The following CCNA1 variants were observed in gnomAD, a reference collection of about 807,000 sequenced individuals.
CCNA1 encodes the protein cyclin A1, also known as cyclin-A1.
A neutral mutation model predicts 54.1 loss-of-function variants in CCNA1; 23 were observed. The observed-to-expected ratio is 0.42, with a 90% CI of 0.31 to 0.60. The LOEUF (loss-of-function observed/expected upper bound fraction) is 0.60, where lower values mean the gene tolerates loss of function less well. CCNA1 is among the 20% of genes least tolerant of loss of function. The pLI is 0.14. For synonymous variants in CCNA1, 208 were observed against 213.9 expected (o/e 0.97, Z 0.24); for missense variants, 450 against 556.7 (o/e 0.81, Z 1.93).
At chr13:36,432,465 T>C (rs1593317987), upstream of CCNA1, 2 of 147,788 alleles carry the variant, frequency 1.4e-5, no homozygotes, top group South Asian at 6.8e-5. Context: ...GCCGGCCACC[T>C]CTTAACCGCG....
rs1458374356 is a variant in CCNA1 at position 36,433,267 on chromosome 13, C to T, written c.297+46C>T. The T allele has an allele frequency of 5.3e-6, 8 of 1,502,438 alleles. No homozygotes were observed. The East Asian group carries it at 1.6e-4, about 30-fold the overall frequency. The allele number at this position is 1,502,438 out of a possible 1,614,324, so 93.1% of individuals were successfully genotyped here. A position where few individuals can be genotyped will look rare whatever the true frequency, so the allele number is the denominator to read the frequency against. On this transcript the variant is annotated intron_variant, in intron 2 of 8. Transcript: ENST00000255465. ...AGAATGATGCTTGTGGAGAACAGCT[C>T]TCCTGCTTTGGTGCCAGGTGCTTTT...
Position 36,432,581 on chromosome 13 carries a change from TG to T in CCNA1, c.-38del, listed in dbSNP as rs1334269896. The T allele has an allele frequency of 1.9e-5, 26 of 1,334,308 alleles. No homozygotes were observed. The highest frequency in any genetic ancestry group is 2.9e-5 in the African/African-American group (2 of 68,214). 82.7% of individuals were successfully genotyped at this position (1,334,308 alleles called of 1,614,324 possible). A position where few individuals can be genotyped will look rare whatever the true frequency, so the allele number is the denominator to read the frequency against. On this transcript the variant is annotated 5_prime_UTR_variant, in exon 1 of 9. Transcript: ENST00000255465. Reference sequence around the variant, plus strand: ...GCAGGTTTTGGGGCCTCCTGTCTGGTGGGAGGAGGCCGCAGCGCAGCACCCT... The same window carrying T: ...GCAGGTTTTGGGGCCTCCTGTCTGGTGGAGGAGGCCGCAGCGCAGCACCCT...
chr13:36,434,826 GCC>G (rs368520828), intron 2 of CCNA1, among the ~76,000 whole-genome samples: 2 of 110,892 alleles, frequency 1.8e-5, no homozygotes, highest in African/African-American at 6.6e-5. Context: ...CATGAGAGGT[GCC>G]CCCCCCCCCG....
In CCNA1 at chr13:36,432,532, A is replaced by G. The variant is rs1490769686; in HGVS notation, c.-90A>G. On this transcript the variant is annotated 5_prime_UTR_variant, in exon 1 of 9. Coordinates refer to ENST00000255465, the MANE Select transcript of CCNA1 (RefSeq NM_003914.4). Reference sequence around the variant, plus strand: ...CACATAGAAAGATAACGACGGGAAGAGCGGGGCCCGCTTTGGGGTCCAGGC... The same window carrying G: ...CACATAGAAAGATAACGACGGGAAGGGCGGGGCCCGCTTTGGGGTCCAGGC... 1 of 705,128 alleles carries G rather than the reference A, an allele frequency of 1.4e-6. No individual in the cohort carries two copies. The highest frequency in any genetic ancestry group is 2.9e-5 in the Admixed American group (1 of 34,110). The allele number at this position is 705,128 out of a possible 1,614,324, so 43.7% of individuals were successfully genotyped here.
In CCNA1 at chr13:36,441,183, T is replaced by A. The variant is rs1183664142; in HGVS notation, c.1164T>A (p.Ala388=). Residue 388 remains alanine, a synonymous_variant, in exon 7 of 9, where the codon GCT becomes GCA. Transcript: ENST00000255465. Reference sequence around the variant, plus strand: ...TGAAATATCTTCCTTCACTGATAGCTGCAGCAGCTTTTTGCCTGGCAAACT... The same window carrying A: ...TGAAATATCTTCCTTCACTGATAGCAGCAGCAGCTTTTTGCCTGGCAAACT... The A allele has an allele frequency of 6.2e-7, 1 of 1,613,272 alleles. No homozygotes were observed. The highest frequency in any genetic ancestry group is 8.5e-7 in the Non-Finnish European group (1 of 1,179,408).
chr13:36,439,586 G>T (rs1415519788), intron 5 of CCNA1, among the ~76,000 whole-genome samples: 1 of 152,118 alleles, frequency 6.6e-6, no homozygotes, highest in African/African-American at 2.4e-5. Flanking sequence ...AAAACTAGAG[G>T]CCTGTGGAGT....
intron 4 of CCNA1, 70 bp from the exon 5 acceptor site, chr13:36,438,574 T>C: frequency 3.8e-6 from 4 of 1,062,642 alleles, no homozygotes; most frequent in Non-Finnish European, 2.8e-6. Context: ...GATTTTTAAA[T>C]AGCAACTATA....
intron 2 of CCNA1, among the ~76,000 whole-genome samples, chr13:36,434,828 C>G (rs1029039208): frequency 9.2e-6 from 1 of 108,536 alleles, no homozygotes; most frequent in Non-Finnish European, 2.0e-5. Flanking sequence ...TGAGAGGTGC[C>G]CCCCCCCCCG....
chr13:36,432,799 G>A, intron 1 of CCNA1, 70 bp downstream of exon 1: 1 of 1,152,596 alleles, frequency 8.7e-7, no homozygotes, highest in Non-Finnish European at 1.3e-6. Flanking sequence ...CCAACACGAA[G>A]TCTTGGGATA....
At position 36,440,078 on chromosome 13, in the gene CCNA1, T is replaced by G; in HGVS notation, c.993T>G (p.Leu331=). ...AACTGTTAAAAATGGAACACTTGCT[T>G]CTGAAAGTTCTAGCTTTTGATCTGA... is the stretch of plus-strand genomic sequence containing the variant. The change falls in exon 6 of 9, where the codon CTT becomes CTG. Residue 331 remains leucine, a synonymous_variant. Transcript: ENST00000255465. 6.2e-7 allele frequency: 1 copy of G among 1,613,962 alleles called. No homozygotes were observed. Among genetic ancestry groups the G allele is most frequent in the Non-Finnish European group, 8.5e-7 (1 of 1,179,840 alleles).
chr13:36,442,840 T>G lies in CCNA1; in HGVS notation c.*175T>G, dbSNP rs1440576770. ...TAGTAGTTTGTAATATAGTCCAACA[T>G]TTTTTAAACAATAAACTGCTTGTCT... On this transcript the variant is annotated 3_prime_UTR_variant, in exon 9 of 9. Transcript: ENST00000255465. 1.7e-6 allele frequency: 1 copy of G among 590,692 alleles called. No homozygotes were observed. The highest frequency in any genetic ancestry group is 3.0e-6 in the Non-Finnish European group (1 of 333,606). The allele number at this position is 590,692 out of a possible 1,614,324, so 36.6% of individuals were successfully genotyped here.
Position 36,433,029 on chromosome 13 carries a change from G to C in CCNA1, c.109-4G>C, listed in dbSNP as rs780508159. 5 of 1,610,248 alleles carry C rather than the reference G, an allele frequency of 3.1e-6. No individual in the cohort carries two copies. Among genetic ancestry groups the C allele is most frequent in the Non-Finnish European group, 3.4e-6 (4 of 1,178,160 alleles). ...CAGCTTGTCTGTTTCTCTTTCCCTG[G>C]TAGCAGCAGCCCGTGGAGTCTGAAG... On this transcript the variant is annotated splice_polypyrimidine_tract_variant and splice_region_variant and intron_variant, in intron 1 of 8. Coordinates refer to ENST00000255465, the MANE Select transcript of CCNA1 (RefSeq NM_003914.4).
At chr13:36,434,808 C>T (rs1016860472) in intron 2 of CCNA1, among the ~76,000 whole-genome samples, 5 of 145,342 alleles carry the variant, frequency 3.4e-5, no homozygotes, top group East Asian at 2.0e-4. Flanking sequence ...CTGCTATGTC[C>T]CTGCTGTCAT....
Position 36,432,645 on chromosome 13 carries a change from C to T in CCNA1, c.24C>T (p.Ile8=), listed in dbSNP as rs2055727533. The stretch of plus-strand genomic sequence containing the variant: ...GGATGGAGACCGGCTTTCCCGCAAT[C>T]ATGTACCCTGGATCTTTTATTGGGG... The change falls in exon 1 of 9, where the codon ATC becomes ATT. Residue 8 remains isoleucine, a synonymous_variant. Transcript: ENST00000255465. 6.2e-7 allele frequency: 1 copy of T among 1,605,406 alleles called. No homozygotes were observed. The highest frequency in any genetic ancestry group is 1.3e-5 in the African/African-American group (1 of 74,806).
Position 36,432,519 on chromosome 13 carries a change from TAAC to T in CCNA1, c.-102_-100del, listed in dbSNP as rs2055725021. ...CAGTTGTTCCGGACACATAGAAAGA[TAAC>T]GACGGGAAGAGCGGGGCCCGCTTTG... On this transcript the variant is annotated 5_prime_UTR_variant, in exon 1 of 9. The change creates a new upstream start codon in the 5' untranslated region. Coordinates refer to ENST00000255465, the MANE Select transcript of CCNA1 (RefSeq NM_003914.4). 1 of 619,458 alleles carries T rather than the reference TAAC, an allele frequency of 1.6e-6. No individual in the cohort carries two copies. Among genetic ancestry groups the T allele is most frequent in the South Asian group, 1.9e-5 (1 of 51,912 alleles). The allele number at this position is 619,458 out of a possible 1,614,324, so 38.4% of individuals were successfully genotyped here.
In CCNA1 at chr13:36,433,419, T is replaced by TTTCGTTCG. The variant is rs1491262535; in HGVS notation, c.297+201_297+202insGTTCGTTC. On this transcript the variant is annotated intron_variant, in intron 2 of 8. Transcript: ENST00000255465. ...CTTTCTTTCTTTCTTTCTTTCTTTC[T>TTTCGTTCG]TTCTTTCTTTCTTTCTTTCTTTCGT... Among the ~76,000 whole-genome samples the TTTCGTTCG allele has an allele frequency of 5.0e-4, 60 of 119,428 alleles. 2 individuals carry two copies. The highest frequency in any genetic ancestry group is 4.1e-3 in the Middle Eastern group (1 of 242). The allele number at this position is 119,428 out of a possible 152,430, so 78.3% of individuals were successfully genotyped here.
At position 36,441,114 on chromosome 13, in the gene CCNA1, T is replaced by G; in HGVS notation, c.1099-4T>G. On this transcript the variant is annotated splice_region_variant and splice_polypyrimidine_tract_variant and intron_variant, in intron 6 of 8. Coordinates refer to ENST00000255465, the MANE Select transcript of CCNA1 (RefSeq NM_003914.4). ...TCCAATGTGTTTTCTTCTCTTGTGCTTAGTACGTAGCAGAGCTGAGTCTAC... is the reference window on the plus strand; with the variant it reads ...TCCAATGTGTTTTCTTCTCTTGTGCGTAGTACGTAGCAGAGCTGAGTCTAC... 6.6e-7 allele frequency: 1 copy of G among 1,521,214 alleles called. No homozygotes were observed. Among genetic ancestry groups the G allele is most frequent in the East Asian group, 2.3e-5 (1 of 44,106 alleles). The allele number at this position is 1,521,214 out of a possible 1,614,324, so 94.2% of individuals were successfully genotyped here.
chr13:36,432,800 T>C, intron 1 of CCNA1, 71 bp downstream of exon 1: 1 of 1,150,520 alleles, frequency 8.7e-7, no homozygotes, highest in Non-Finnish European at 1.3e-6. Context: ...CAACACGAAG[T>C]CTTGGGATAA....
rs1431572037 is a variant in CCNA1, at chr13:36,438,692, A to T, written c.718A>T (p.Thr240Ser). Residue 240 changes from threonine (T) to serine (S), a missense_variant, in exon 5 of 9, where the codon ACG (threonine) becomes TCG (serine). This residue lies in a region of CCNA1 where 150 missense variants were observed against 219.7 expected (regional missense o/e 0.68). Coordinates refer to ENST00000255465, the MANE Select transcript of CCNA1 (RefSeq NM_003914.4). ...CTACATGAAGAAGCAGCCAGACATC[A>T]CGGAAGGCATGCGCACGATTCTGGT... The T allele has an allele frequency of 6.2e-7, 1 of 1,613,992 alleles. No homozygotes were observed. Among genetic ancestry groups the T allele is most frequent in the Non-Finnish European group, 8.5e-7 (1 of 1,180,022 alleles).
Sources: allele counts gnomAD v4.1 joint callset (sites outside exome capture counted in the v4.1 genomes callset), GRCh38; gene constraint gnomAD v4.1.1; regional missense constraint gnomAD v4.1.1; transcripts MANE v1.5; gene names NCBI Gene and HGNC (gene_info 2026-07-23, HGNC 2026-07-21).